The following TMEM132B variants were observed in gnomAD, a reference collection of about 807,000 sequenced individuals.
TMEM132B encodes the protein transmembrane protein 132B.
Under a neutral mutation model 90.8 loss-of-function variants are expected in TMEM132B, and 18 were observed. That is an observed-to-expected ratio of 0.20 (90% CI 0.14 to 0.29). The LOEUF (loss-of-function observed/expected upper bound fraction) is 0.29. Ranked by LOEUF, TMEM132B falls within the 10% of genes least tolerant of loss-of-function variation. TMEM132B has a pLI of 1.00. For synonymous variants in TMEM132B, 504 were observed against 523.3 expected (o/e 0.96, Z 0.50); for missense variants, 1,096 against 1,326.8 (o/e 0.83, Z 2.70).
intron 2 of TMEM132B, among the ~76,000 whole-genome samples, chr12:125,384,720 G>A (rs754277771): frequency 3.9e-5 from 6 of 151,906 alleles, no homozygotes; most frequent in South Asian, 2.1e-4. Flanking sequence ...GCATGATCTC[G>A]GCTCACTGCA....
chr12:125,339,165 A>T (rs577671972), intron 1 of TMEM132B, among the ~76,000 whole-genome samples: 1 of 152,320 alleles, frequency 6.6e-6, no homozygotes, highest in South Asian at 2.1e-4. Flanking sequence ...TTGATAAAGA[A>T]CAATAATGCC....
intron 1 of TMEM132B, among the ~76,000 whole-genome samples, chr12:125,346,770 GTC>G (rs1490388843): frequency 1.3e-5 from 2 of 152,170 alleles, no homozygotes; most frequent in African/African-American, 4.8e-5. Flanking sequence ...GGAAACCCAG[GTC>G]TATACTATGG....
chr12:125,474,070 C>T (rs1271331260), intron 3 of TMEM132B, among the ~76,000 whole-genome samples: 2 of 124,326 alleles, frequency 1.6e-5, no homozygotes, highest in Non-Finnish European at 3.2e-5. Context: ...CCTTTCCTTT[C>T]CTTTCCTTTC....
chr12:125,500,394 G>A (rs934073682), intron 3 of TMEM132B, among the ~76,000 whole-genome samples: 5 of 152,196 alleles, frequency 3.3e-5, no homozygotes, highest in African/African-American at 9.7e-5. Context: ...CTGCTAGTAG[G>A]ACCTCCCCTA....
chr12:125,216,222 G>C (rs1182039081), intron 1 of TMEM132B, among the ~76,000 whole-genome samples: 1 of 152,148 alleles, frequency 6.6e-6, no homozygotes, highest in Non-Finnish European at 1.5e-5. Flanking sequence ...TTTGGTGAGG[G>C]CTCCCTTCCT....
chr12:125,479,415 A>G (rs1464007530), intron 3 of TMEM132B, among the ~76,000 whole-genome samples: 1 of 152,212 alleles, frequency 6.6e-6, no homozygotes, highest in Non-Finnish European at 1.5e-5. Flanking sequence ...GGATGGAGGA[A>G]GATCTACTAA....
chr12:125,384,107 C>T (rs528303878), intron 2 of TMEM132B, among the ~76,000 whole-genome samples: 9 of 152,116 alleles, frequency 5.9e-5, no homozygotes, highest in East Asian at 1.9e-4. Context: ...CCACCATGTC[C>T]GGCTAATTTT....
intron 1 of TMEM132B, among the ~76,000 whole-genome samples, chr12:125,266,371 T>C (rs1874695132): frequency 1.3e-5 from 2 of 152,282 alleles, no homozygotes; most frequent in South Asian, 2.1e-4. Flanking sequence ...CATTGACTTA[T>C]GTGAATCTAT....
intron 4 of TMEM132B, among the ~76,000 whole-genome samples, chr12:125,534,833 G>A (rs1883754143): frequency 6.6e-6 from 1 of 152,126 alleles, no homozygotes; most frequent in East Asian, 1.9e-4. Context: ...TTAGCTTCAT[G>A]TGGCTATTAA....
intron 1 of TMEM132B, among the ~76,000 whole-genome samples, chr12:125,243,224 A>G (rs1239462769): frequency 1.3e-5 from 2 of 151,058 alleles, no homozygotes; most frequent in Non-Finnish European, 1.5e-5. Flanking sequence ...GCTCACTGCA[A>G]CCTCTGCCTC....
Position 125,608,856 on chromosome 12 carries a change from G to GAAA in TMEM132B, c.1437+24869_1437+24871dup, listed in dbSNP as rs111267050. ...CCCATTGCATTGCTGTGGCACCTTT[G>GAAA]AAAAAAAAATCAATGGACCATGAAT... On this transcript the variant is annotated intron_variant, in intron 5 of 8. Transcript: ENST00000682704. 7.6e-3 allele frequency among the ~76,000 whole-genome samples: 1,144 copies of GAAA among 151,218 alleles called. 14 individuals carry two copies. The highest frequency in any genetic ancestry group is 0.025 in the African/African-American group (1,017 of 41,250).
chr12:125,309,060 T>C (rs1156477274), intron 1 of TMEM132B, among the ~76,000 whole-genome samples: 4 of 152,240 alleles, frequency 2.6e-5, no homozygotes, highest in Non-Finnish European at 4.4e-5. Context: ...CTGTGTAATA[T>C]TCCATCATGT....
chr12:125,224,831 T>A (rs1253868859), intron 1 of TMEM132B, among the ~76,000 whole-genome samples: 1 of 152,194 alleles, frequency 6.6e-6, no homozygotes, highest in Non-Finnish European at 1.5e-5. Flanking sequence ...GCCAACAGTT[T>A]AAAAGGGGTA....
At chr12:125,589,123 T>C (rs957419838) in intron 5 of TMEM132B, among the ~76,000 whole-genome samples, 3 of 152,176 alleles carry the variant, frequency 2.0e-5, no homozygotes, top group African/African-American at 7.2e-5. Flanking sequence ...ATTGTTTGGA[T>C]ATTTGTCTCC....
chr12:125,476,411 G>A (rs1245707686), intron 3 of TMEM132B, among the ~76,000 whole-genome samples: 1 of 152,120 alleles, frequency 6.6e-6, no homozygotes, highest in East Asian at 1.9e-4. Flanking sequence ...TTTGTGTCTG[G>A]CTTTTTTTCA....
chr12:125,241,297 A>G (rs1332882671), intron 1 of TMEM132B, among the ~76,000 whole-genome samples: 1 of 152,208 alleles, frequency 6.6e-6, no homozygotes, highest in Non-Finnish European at 1.5e-5. Flanking sequence ...CGAGATCTGA[A>G]AAAATGGGAA....
intron 1 of TMEM132B, among the ~76,000 whole-genome samples, chr12:125,335,813 CCT>C (rs939285016): frequency 3.4e-4 from 52 of 152,180 alleles, no homozygotes; most frequent in African/African-American, 1.2e-3. Flanking sequence ...ATGGCAAAAC[CCT>C]GTCTCTACTA....
At chr12:125,611,641 T>C (rs531357213) in intron 5 of TMEM132B, among the ~76,000 whole-genome samples, 3 of 152,140 alleles carry the variant, frequency 2.0e-5, no homozygotes, top group South Asian at 2.1e-4. Context: ...TTTTCTAATT[T>C]CTCTTGTTAT....
At chr12:125,530,475 A>G (rs1883616003) in intron 4 of TMEM132B, among the ~76,000 whole-genome samples, 3 of 152,190 alleles carry the variant, frequency 2.0e-5, no homozygotes. Context: ...TCAGTAAACA[A>G]TGTCTGTTTT....
Sources: gnomAD v4.1 joint callset for allele counts (sites outside exome capture counted in the v4.1 genomes callset) on GRCh38, gnomAD v4.1.1 for gene constraint, MANE v1.5 for transcripts, NCBI Gene and HGNC (gene_info 2026-07-23, HGNC 2026-07-21) for gene names.